SEC61A1: variants seen among roughly 807,000 people sequenced by gnomAD.
SEC61A1 encodes the protein SEC61 translocon subunit alpha 1, also known as protein transport protein Sec61 subunit alpha isoform 1.
SEC61A1 carries 15 observed loss-of-function variants against 55.2 expected under a neutral mutation model. That is an observed-to-expected ratio of 0.27 (90% CI 0.18 to 0.42). SEC61A1 has a LOEUF of 0.42. SEC61A1 is among the 10% of genes least tolerant of loss of function. The probability of loss-of-function intolerance (pLI) is 1.00; values close to 1 mark genes in which losing one functional copy is unlikely to be tolerated. For missense variants in SEC61A1, 284 were observed against 602.6 expected, an observed-to-expected ratio of 0.47 and a Z score of 5.53; for synonymous variants, 247 against 234.0, an observed-to-expected ratio of 1.06 and a Z score of -0.51.
intron 5 of SEC61A1, among the ~76,000 whole-genome samples, chr3:128,057,611 A>G (rs1007250606): frequency 3.9e-5 from 6 of 151,908 alleles, no homozygotes; most frequent in Non-Finnish European, 8.8e-5. Flanking sequence ...AACCCCCAGC[A>G]CTTTGGGAGG....
In SEC61A1 at chr3:128,055,606, T is replaced by C. The variant is rs367996296; in HGVS notation, c.141+25T>C. On this transcript the variant is annotated intron_variant, in intron 3 of 11. Coordinates refer to ENST00000243253, the MANE Select transcript of SEC61A1 (RefSeq NM_013336.4). ...GGTAAGCTCAGGCTTGTATTTCGTA[T>C]TGGGGAGGGGGATAAGAGTGGCTGG... 148 of 1,610,728 alleles carry C rather than the reference T, an allele frequency of 9.2e-5. 2 individuals are homozygous for C. In the South Asian group the frequency reaches 1.2e-3, roughly 13 times the overall value.
chr3:128,064,928 G>A lies in SEC61A1; in HGVS notation c.668G>A (p.Arg223His), dbSNP rs767658338. The A allele has an allele frequency of 1.2e-6, 2 of 1,613,998 alleles. No homozygotes were observed. Among genetic ancestry groups the A allele is most frequent in the Non-Finnish European group, 1.7e-6 (2 of 1,179,908 alleles). Residue 223 changes from arginine (R) to histidine (H), a missense_variant, in exon 8 of 12, where the codon CGC becomes CAC. By Grantham distance (29) the Arg-to-His change is conservative. Transcript: ENST00000243253. ...GCACTTTTCCATCTGCTGGCCACAC[G>A]CACAGACAAGGTCCGAGCCCTTCGG... ...IIALFHLLAT[R>H]TDKVRALREA... is the part of the protein sequence containing the mutation.
chr3:128,068,062 G>A lies in SEC61A1; in HGVS notation c.1244+3G>A, dbSNP rs113948900. 2 of 1,613,290 alleles carry A rather than the reference G, an allele frequency of 1.2e-6. No homozygotes were observed. Among genetic ancestry groups the A allele is most frequent in the Middle Eastern group, 1.7e-4 (1 of 6,056 alleles). ...TCCATGGTCCATGAACTCAACCGGT[G>A]AGTGGTGGCCCCAGGTCCCCAACCT... On this transcript the variant is annotated splice_donor_region_variant and intron_variant, in intron 11 of 11. Coordinates refer to ENST00000243253, the MANE Select transcript of SEC61A1 (RefSeq NM_013336.4).
At chr3:128,051,737 C>T (rs1278519058), upstream of SEC61A1, 4 of 1,487,970 alleles carry the variant, frequency 2.7e-6, no homozygotes, top group Non-Finnish European at 3.6e-6. Context: ...AAGGTACTCT[C>T]CCAGGAGGCC....
At chr3:128,051,996 G>C, upstream of SEC61A1, 1 of 1,022,640 alleles carries the variant, frequency 9.8e-7, no homozygotes, top group Non-Finnish European at 1.5e-6. Context: ...GCTGGGATAA[G>C]GTCCCTGCTC....
chr3:128,055,464 A>C (rs377393988), intron 2 of SEC61A1, 52 bp from the exon 3 acceptor site: 238 of 1,385,520 alleles, frequency 1.7e-4, no homozygotes, highest in Non-Finnish European at 2.4e-4. Flanking sequence ...CATTTTTATT[A>C]ATTTGCTTTT....
At chr3:128,065,232 G>A (rs756882673) in intron 8 of SEC61A1, 195 bp downstream of exon 8, 19 of 684,324 alleles carry the variant, frequency 2.8e-5, no homozygotes, top group Non-Finnish European at 4.5e-5. Context: ...TGCCATTAAC[G>A]AAACAAAATT....
chr3:128,065,908 A>T (rs2107649167), intron 8 of SEC61A1, among the ~76,000 whole-genome samples: 1 of 150,356 alleles, frequency 6.7e-6, no homozygotes, highest in South Asian at 2.1e-4. Flanking sequence ...CGCCCGGCTA[A>T]TTTTTTTTTA....
chr3:128,065,215 T>TG, intron 8 of SEC61A1, 178 bp downstream of exon 8: 1 of 733,420 alleles, frequency 1.4e-6, no homozygotes, highest in East Asian at 2.6e-5. Context: ...CATTGAGTCA[T>TG]GGGACCTGCC....
rs1942007880 is a variant in SEC61A1 at position 128,067,240 on chromosome 3, C to T, written c.975+89C>T. 7.3e-7 allele frequency: 1 copy of T among 1,378,094 alleles called. No individual in the cohort carries two copies. The highest frequency in any genetic ancestry group is 1.8e-5 in the Admixed American group (1 of 54,774). 85.4% of individuals were successfully genotyped at this position (1,378,094 alleles called of 1,614,324 possible). On this transcript the variant is annotated intron_variant, in intron 9 of 11. Transcript: ENST00000243253. The surrounding 1 kb of genome is among the most constrained non-coding windows in gnomAD (Gnocchi z 4.1). ...CTTGCTCATGAACAGATATTTCATC[C>T]AAAGATATTTTCCATTGTGCCTTTT...
In SEC61A1 at chr3:128,069,566, C is replaced by T. The variant is rs147269024; in HGVS notation, c.1335C>T (p.Thr445=). 1,124 of 1,614,084 alleles carry T rather than the reference C, an allele frequency of 7.0e-4. 4 individuals carry two copies. The Middle Eastern group carries it at 7.9e-3, about 11-fold the overall frequency. Residue 445 remains threonine (T), a synonymous_variant, in exon 12 of 12, where the codon ACC becomes ACT. Coordinates refer to ENST00000243253, the MANE Select transcript of SEC61A1 (RefSeq NM_013336.4). The part of the protein sequence containing the change: ...ADFLGAIGSG[T]GILLAVTIIY... ...TCCTAGGCGCCATTGGGTCTGGAAC[C>T]GGGATCCTGCTCGCAGTCACAATCA...
upstream of SEC61A1, chr3:128,052,426 G>T: frequency 8.0e-7 from 1 of 1,256,728 alleles, no homozygotes; most frequent in Non-Finnish European, 1.0e-6. Context: ...GCTTGCCGCC[G>T]GGCTAGCACT....
At chr3:128,069,341 A>G in intron 11 of SEC61A1, 135 bp from the exon 12 acceptor site, 1 of 811,494 alleles carries the variant, frequency 1.2e-6, no homozygotes, top group Non-Finnish European at 2.0e-6. Context: ...CTAGCATGTT[A>G]GTAGATGACT....
intron 7 of SEC61A1, among the ~76,000 whole-genome samples, chr3:128,061,162 C>T (rs552651183): frequency 7.9e-5 from 12 of 152,340 alleles, no homozygotes; most frequent in African/African-American, 2.6e-4. Context: ...CGTTCAAATC[C>T]TGGCTGTTCC....
chr3:128,058,447 T>G, intron 5 of SEC61A1, among the ~76,000 whole-genome samples: 1 of 152,130 alleles, frequency 6.6e-6, no homozygotes, highest in East Asian at 1.9e-4. Flanking sequence ...ATCTCCTGAC[T>G]TCGTGATCCG....
chr3:128,052,366 G>A (rs1941695626), upstream of SEC61A1: 4 of 998,750 alleles, frequency 4.0e-6, no homozygotes, highest in Non-Finnish European at 4.9e-6. Context: ...GGCAGGAAGC[G>A]GAAGCGATCC....
intron 4 of SEC61A1, 61 bp from the exon 5 acceptor site, chr3:128,056,648 T>G (rs763480948): frequency 3.2e-5 from 44 of 1,381,054 alleles, no homozygotes; most frequent in Non-Finnish European, 4.2e-5. Flanking sequence ...TATTCATTTT[T>G]AAAATAACGT....
chr3:128,053,321 A>G (rs2107640121), intron 2 of SEC61A1, among the ~76,000 whole-genome samples: 1 of 152,314 alleles, frequency 6.6e-6, no homozygotes, highest in African/African-American at 2.4e-5. Context: ...AAGGGCTGTC[A>G]CTTTAGTATT....
intron 2 of SEC61A1, 78 bp from the exon 3 acceptor site, chr3:128,055,438 G>A (rs1941757048): frequency 9.0e-7 from 1 of 1,112,634 alleles, no homozygotes; most frequent in South Asian, 1.2e-5. Context: ...TTAGAGAAAG[G>A]GGTCTGATTG....
Sources: allele counts gnomAD v4.1 joint callset (sites outside exome capture counted in the v4.1 genomes callset), GRCh38; gene constraint gnomAD v4.1.1; non-coding constraint Gnocchi (gnomAD v3.1); transcripts MANE v1.5; gene names NCBI Gene and HGNC (gene_info 2026-07-23, HGNC 2026-07-21).